Variants in KIAA0930 observed in about 807,000 individuals in gnomAD.
The protein encoded by KIAA0930 is uncharacterized protein KIAA0930.
In KIAA0930, 24 loss-of-function variants were observed where a neutral mutation model predicts 43.9. That is an observed-to-expected ratio of 0.55 (90% CI 0.40 to 0.77). The LOEUF is 0.77. Among genes scored for constraint, KIAA0930 ranks in the 30% least tolerant of loss-of-function variants. KIAA0930 has a pLI of 0.00. For missense variants in KIAA0930, 461 were observed against 574.2 expected, an observed-to-expected ratio of 0.80 and a Z score of 2.02; for synonymous variants, 259 against 216.4, an observed-to-expected ratio of 1.20 and a Z score of -1.73.
At chr22:45,215,587 T>C (rs2083726861) in intron 1 of KIAA0930, among the ~76,000 whole-genome samples, 1 of 152,188 alleles carries the variant, frequency 6.6e-6, no homozygotes, top group Non-Finnish European at 1.5e-5. Context: ...AAGCATGCCA[T>C]ACGGATTCAA....
Position 45,233,731 on chromosome 22 carries a change from A to G in KIAA0930, c.64+6909T>C, listed in dbSNP as rs554457685. Among the ~76,000 whole-genome samples the G allele has an allele frequency of 3.3e-5, 5 of 152,288 alleles. No individual in the cohort carries two copies. The East Asian group carries it at 9.7e-4, about 29-fold the overall frequency. On this transcript the variant is annotated intron_variant, in intron 1 of 9. Coordinates refer to ENST00000336156, the MANE Select transcript of KIAA0930 (RefSeq NM_001009880.2). Reference sequence around the variant, plus strand: ...GCCCTCTTAGGAAGCTGAGTGCACCAGACCCAAGCTGCTGGAAATGACCGA... The same window carrying G: ...GCCCTCTTAGGAAGCTGAGTGCACCGGACCCAAGCTGCTGGAAATGACCGA...
rs907692646 is a variant in KIAA0930 at position 45,196,951 on chromosome 22, G to A, written c.*225C>T. 3.0e-5 allele frequency: 15 copies of A among 500,424 alleles called. No homozygotes were observed. The highest frequency in any genetic ancestry group is 1.2e-4 in the Admixed American group (3 of 25,362). 31.0% of individuals were successfully genotyped at this position (500,424 alleles called of 1,614,324 possible). A position where few individuals can be genotyped will look rare whatever the true frequency, so the allele number is the denominator to read the frequency against. On this transcript the variant is annotated 3_prime_UTR_variant, in exon 10 of 10. Coordinates refer to ENST00000336156, the MANE Select transcript of KIAA0930 (RefSeq NM_001009880.2). This position sits in a 1 kb window ranked among gnomAD's most constrained non-coding sequence, Gnocchi z 4.1. ...CAGAGATGGGTGGGGGGCGATGGGC[G>A]GGGGGCACAGGGCGGAGCAGCGCCA... is the stretch of plus-strand genomic sequence containing the variant.
intron 8 of KIAA0930, among the ~76,000 whole-genome samples, chr22:45,199,599 C>G (rs1446961808): frequency 1.3e-5 from 2 of 152,170 alleles, no homozygotes; most frequent in Admixed American, 6.5e-5. Flanking sequence ...GGTGGGAAAT[C>G]CCCTGAAACT....
rs2083691955 is a variant in KIAA0930, at chr22:45,211,397, C to T, written c.216+559G>A. The T allele has an allele frequency of 9.0e-5, 36 of 398,968 alleles. No individual in the cohort carries two copies. In the East Asian group the frequency reaches 1.1e-3, roughly 12 times the overall value. 24.7% of individuals were successfully genotyped at this position (398,968 alleles called of 1,614,324 possible). ...GATTTAGTGGATGAAATACGTTAGGCGAATCACTTCATCTCCGAGCCCTCC... is the reference window on the plus strand; with the variant it reads ...GATTTAGTGGATGAAATACGTTAGGTGAATCACTTCATCTCCGAGCCCTCC... On this transcript the variant is annotated intron_variant, in intron 2 of 9. Transcript: ENST00000336156.
chr22:45,204,210 G>A (rs955759922), intron 5 of KIAA0930, among the ~76,000 whole-genome samples: 1 of 152,186 alleles, frequency 6.6e-6, no homozygotes, highest in African/African-American at 2.4e-5. Context: ...GACGCTTACG[G>A]AGACTCTGGG....
At chr22:45,235,009 A>G (rs201540512) in intron 1 of KIAA0930, among the ~76,000 whole-genome samples, 11 of 144,908 alleles carry the variant, frequency 7.6e-5, no homozygotes, top group African/African-American at 2.7e-4. Context: ...CTTTTTTTTT[A>G]ATTAGAAAAA....
At chr22:45,205,938 T>G in intron 2 of KIAA0930, 26 bp from the exon 3 acceptor site, 1 of 1,610,286 alleles carries the variant, frequency 6.2e-7, no homozygotes, top group African/African-American at 1.3e-5. Flanking sequence ...CAGAAGTGAG[T>G]GCCCAGGGCC....
chr22:45,208,079 T>G (rs941782136), intron 2 of KIAA0930, among the ~76,000 whole-genome samples: 2 of 151,984 alleles, frequency 1.3e-5, no homozygotes, highest in African/African-American at 4.8e-5. Flanking sequence ...ATCAGAAAGG[T>G]GTCCGTGTGC....
intron 1 of KIAA0930, among the ~76,000 whole-genome samples, chr22:45,231,881 C>T (rs1395599921): frequency 6.6e-6 from 1 of 152,134 alleles, no homozygotes; most frequent in African/African-American, 2.4e-5. Context: ...GTCCCAGCTA[C>T]TCGGGAGGCT....
At position 45,194,656 on chromosome 22, in the gene KIAA0930, T is replaced by C. The variant is rs2083520500; in HGVS notation, c.*2520A>G. 2 of 152,204 alleles carry C rather than the reference T, an allele frequency of 1.3e-5. No individual in the cohort carries two copies. The highest frequency in any genetic ancestry group is 1.9e-4 in the East Asian group (1 of 5,184). 9.4% of individuals were successfully genotyped at this position (152,204 alleles called of 1,614,324 possible). A position where few individuals can be genotyped will look rare whatever the true frequency, so the allele number is the denominator to read the frequency against. On this transcript the variant is annotated 3_prime_UTR_variant, in exon 10 of 10. Transcript: ENST00000336156. ...TTATTCCACATGTCATCTGTTACTT[T>C]GGAAAAACAAACCTGGGAGTAACAC... is the stretch of plus-strand genomic sequence containing the variant.
intron 1 of KIAA0930, among the ~76,000 whole-genome samples, chr22:45,223,092 C>A (rs1414562351): frequency 6.6e-6 from 1 of 152,210 alleles, no homozygotes; most frequent in Admixed American, 6.5e-5. Flanking sequence ...CTACCACCTA[C>A]ATAAGATTCT....
At chr22:45,229,266 G>A (rs5766569) in intron 1 of KIAA0930, among the ~76,000 whole-genome samples, 11 of 12,852 alleles carry the variant, frequency 8.6e-4, no homozygotes, top group Non-Finnish European at 1.1e-3. Context: ...ACTCACTTGA[G>A]AGATCCCTCT....
At chr22:45,224,433 G>GCCTGA (rs1315546570) in intron 1 of KIAA0930, among the ~76,000 whole-genome samples, 2 of 152,206 alleles carry the variant, frequency 1.3e-5, no homozygotes, top group African/African-American at 4.8e-5. Flanking sequence ...CAACACTGAG[G>GCCTGA]CCTGACGCTC....
intron 1 of KIAA0930, among the ~76,000 whole-genome samples, chr22:45,231,879 T>C (rs1455585968): frequency 6.6e-6 from 1 of 152,124 alleles, no homozygotes; most frequent in Non-Finnish European, 1.5e-5. Flanking sequence ...TAGTCCCAGC[T>C]ACTCGGGAGG....
chr22:45,227,138 C>T (rs992516872), intron 1 of KIAA0930, among the ~76,000 whole-genome samples: 33 of 152,252 alleles, frequency 2.2e-4, no homozygotes, highest in African/African-American at 6.3e-4. Context: ...ACCCGGCCCA[C>T]GGCAGGTGCT....
rs781727490 is a variant in KIAA0930 at position 45,203,178 on chromosome 22, C to A, written c.664G>T (p.Val222Leu). 6.2e-7 allele frequency: 1 copy of A among 1,601,016 alleles called. No individual in the cohort carries two copies. The highest frequency in any genetic ancestry group is 8.5e-7 in the Non-Finnish European group (1 of 1,172,322). Residue 222 changes from valine (V) to leucine (L), a missense_variant, in exon 7 of 10, where the codon GTG (valine) becomes TTG (leucine). By Grantham distance (32) the Val-to-Leu change is conservative (BLOSUM62 1). Transcript: ENST00000336156. ...ATCTTCTGTGCCATGCGGGCGGCCA[C>A]GCTCACCTGGGGGCCGGCGCGGGGC... ...LKKVYDNRVSVAARMAQKMSF... is the reference protein window; with the variant it reads ...LKKVYDNRVSLAARMAQKMSF...
At chr22:45,205,425 A>G in intron 4 of KIAA0930, 107 bp from the exon 5 acceptor site, 8 of 1,022,178 alleles carry the variant, frequency 7.8e-6, no homozygotes, top group Non-Finnish European at 1.2e-5. Flanking sequence ...GCCAGTCCAA[A>G]GCCAGAGACC....
At chr22:45,219,391 T>C (rs2083753383) in intron 1 of KIAA0930, among the ~76,000 whole-genome samples, 1 of 152,116 alleles carries the variant, frequency 6.6e-6, no homozygotes, top group African/African-American at 2.4e-5. Context: ...TTAGGAGGCA[T>C]TCCTTGAAAC....
intron 1 of KIAA0930, among the ~76,000 whole-genome samples, chr22:45,229,748 G>A (rs910796134): frequency 6.6e-6 from 1 of 152,216 alleles, no homozygotes; most frequent in African/African-American, 2.4e-5. Flanking sequence ...GCTGGGGCAG[G>A]TCACCAAGGG....
Sources: gnomAD v4.1 joint callset for allele counts (sites outside exome capture counted in the v4.1 genomes callset) on GRCh38, gnomAD v4.1.1 for gene constraint, Gnocchi (gnomAD v3.1) non-coding constraint, MANE v1.5 for transcripts, NCBI Gene and HGNC (gene_info 2026-07-23, HGNC 2026-07-21) for gene names.